Variants in SYNE2 observed in about 807,000 individuals in gnomAD.
SYNE2 encodes the protein spectrin repeat containing nuclear envelope protein 2, also known as nesprin-2.
A neutral mutation model predicts 856.3 loss-of-function variants in SYNE2; 431 were observed. That is an observed-to-expected ratio of 0.50 (90% confidence interval 0.47 to 0.55). The LOEUF (loss-of-function observed/expected upper bound fraction) is 0.55. Ranked by LOEUF, SYNE2 falls within the 20% of genes least tolerant of loss-of-function variation. The probability of loss-of-function intolerance (pLI) is 0.00; values close to 1 mark genes in which losing one functional copy is unlikely to be tolerated. For missense variants in SYNE2, 8,129 were observed against 8,023.2 expected (o/e 1.01, Z -0.50); for synonymous variants, 2,923 against 2,872.3 (o/e 1.02, Z -0.56).
chr14:64,054,833 C>G (rs1427655776), intron 48 of SYNE2, among the ~76,000 whole-genome samples: 1 of 152,092 alleles, frequency 6.6e-6, no homozygotes, highest in East Asian at 1.9e-4. Flanking sequence ...TGGAAGTTAA[C>G]TCCCTTTTCT....
chr14:64,185,495 T>TTTTTC (rs2098484161), intron 96 of SYNE2, among the ~76,000 whole-genome samples: 2 of 148,222 alleles, frequency 1.3e-5, no homozygotes, highest in African/African-American at 5.0e-5. Flanking sequence ...TGCTTCTTTT[T>TTTTTC]TTTTTCTTTT....
chr14:64,010,254 T>A, intron 32 of SYNE2, 138 bp downstream of exon 32: 1 of 959,336 alleles, frequency 1.0e-6, no homozygotes, highest in Non-Finnish European at 1.6e-6. Context: ...ACCAGGTATC[T>A]AAAAATTTGT....
chr14:64,067,228 T>C (rs969989250), intron 51 of SYNE2, among the ~76,000 whole-genome samples: 6 of 152,184 alleles, frequency 3.9e-5, no homozygotes, highest in Non-Finnish European at 8.8e-5. Flanking sequence ...GTAATAACAA[T>C]AATAAAAACA....
chr14:63,764,570 TTTGA>T (rs1886605412), intron 1 of SYNE2, among the ~76,000 whole-genome samples: 1 of 150,870 alleles, frequency 6.6e-6, no homozygotes. Flanking sequence ...TTTTTTTTTT[TTTGA>T]TTTATTTTAC....
intron 1 of SYNE2, among the ~76,000 whole-genome samples, chr14:63,862,937 A>G (rs1894140241): frequency 6.6e-6 from 1 of 152,050 alleles, no homozygotes. Flanking sequence ...AGCTGGAGCT[A>G]TAGGCATGCA....
chr14:64,046,993 C>T (rs1222519791), intron 45 of SYNE2, among the ~76,000 whole-genome samples: 1 of 152,232 alleles, frequency 6.6e-6, no homozygotes, highest in Non-Finnish European at 1.5e-5. Context: ...CCCCTTGCCT[C>T]GTCATGTGGA....
intron 7 of SYNE2, among the ~76,000 whole-genome samples, chr14:63,953,543 G>GAGATAGATAGATAGAT (rs59456660): frequency 1.5e-4 from 14 of 90,498 alleles, no homozygotes; most frequent in African/African-American, 3.7e-4. Flanking sequence ...GAGAGAGAGA[G>GAGATAGATAGATAGAT]AGATAGATAG....
chr14:64,026,875 G>A, intron 42 of SYNE2, 145 bp downstream of exon 42: 2 of 918,984 alleles, frequency 2.2e-6, no homozygotes, highest in Non-Finnish European at 3.4e-6. Context: ...AGTGTCAAGA[G>A]ACAGAAACCA....
intron 73 of SYNE2, 138 bp downstream of exon 73, chr14:64,126,945 C>T: frequency 9.6e-7 from 1 of 1,044,098 alleles, no homozygotes; most frequent in Non-Finnish European, 1.4e-6. Flanking sequence ...GTTTGTTGCT[C>T]ATGGTTGGAG....
At chr14:63,848,538 C>T (rs1227992421), upstream of SYNE2, among the ~76,000 whole-genome samples, 1 of 152,084 alleles carries the variant, frequency 6.6e-6, no homozygotes, top group Non-Finnish European at 1.5e-5. Context: ...GAGGGTAAAA[C>T]AAACAAGACA....
In SYNE2 at chr14:64,157,868, A is replaced by T. The variant is rs566058814; in HGVS notation, c.15793-757A>T. 1.5e-4 allele frequency among the ~76,000 whole-genome samples: 23 copies of T among 152,280 alleles called. No individual in the cohort carries two copies. The South Asian group carries it at 2.1e-3, about 14-fold the overall frequency. ...TCTTTTCATATGTTTATTGACCATT[A>T]TATATGTTCTTTGGGGAAATGTTTA... On this transcript the variant is annotated intron_variant, in intron 85 of 115. Transcript: ENST00000555002.
At position 63,991,073 on chromosome 14, in the gene SYNE2, G is replaced by A; in HGVS notation, c.2604G>A (p.Leu868=). The change falls in exon 21 of 116, where the codon CTG becomes CTA. Residue 868 remains leucine (L), a synonymous_variant. Coordinates refer to ENST00000555002, the MANE Select transcript of SYNE2 (RefSeq NM_182914.3). ...ESYMMRAQQL[L]GQRESPGELI... ...ATATGATGAGGGCTCAGCAGTTACT[G>A]GGGCAAAGAGAGAGCCCCGGTGAAC... The A allele has an allele frequency of 1.9e-5, 30 of 1,614,100 alleles. No individual in the cohort carries two copies. Among genetic ancestry groups the A allele is most frequent in the Non-Finnish European group, 2.5e-5 (29 of 1,179,996 alleles).
chr14:64,171,333 C>T (rs569140224), intron 94 of SYNE2, among the ~76,000 whole-genome samples: 1 of 152,312 alleles, frequency 6.6e-6, no homozygotes, highest in South Asian at 2.1e-4. Flanking sequence ...CAATCACTGT[C>T]CTAAGTGCTG....
chr14:64,048,073 A>G lies in SYNE2; in HGVS notation c.7295A>G (p.Asp2432Gly). The change falls in exon 46 of 116, where the codon GAT (aspartate) becomes GGT (glycine). Residue 2432 changes from aspartate (D) to glycine (G), a missense_variant. Physicochemically the swap from Asp to Gly is moderately conservative, Grantham distance 94. Coordinates refer to ENST00000555002, the MANE Select transcript of SYNE2 (RefSeq NM_182914.3). Reference sequence around the variant, plus strand: ...CAAGAAAGCATGAAAAACACTGAAGATGAGCGGAAAGTCAATGAGCTGCAA... The same window carrying G: ...CAAGAAAGCATGAAAAACACTGAAGGTGAGCGGAAAGTCAATGAGCTGCAA... ...NAQESMKNTEDERKVNELQNQ... is the reference protein window; with the variant it reads ...NAQESMKNTEGERKVNELQNQ... The G allele has an allele frequency of 6.2e-7, 1 of 1,613,828 alleles. No homozygotes were observed.
At chr14:63,835,199 A>C (rs1485596772) in intron 1 of SYNE2, among the ~76,000 whole-genome samples, 1 of 152,112 alleles carries the variant, frequency 6.6e-6, no homozygotes, top group Non-Finnish European at 1.5e-5. Context: ...GATTTTATAA[A>C]AAGTTTGAAA....
chr14:64,086,520 A>C (rs1274863870), intron 57 of SYNE2, among the ~76,000 whole-genome samples: 1 of 152,140 alleles, frequency 6.6e-6, no homozygotes, highest in Non-Finnish European at 1.5e-5. Flanking sequence ...TCTGCTTGTT[A>C]ATTTCTAAAT....
intron 96 of SYNE2, among the ~76,000 whole-genome samples, chr14:64,177,920 A>T (rs1472698098): frequency 6.6e-6 from 1 of 152,222 alleles, no homozygotes; most frequent in African/African-American, 2.4e-5. Context: ...AAACCATCCA[A>T]ACTATATATT....
chr14:63,875,929 G>A (rs2094705288), intron 1 of SYNE2, among the ~76,000 whole-genome samples: 1 of 152,134 alleles, frequency 6.6e-6, no homozygotes, highest in Non-Finnish European at 1.5e-5. Context: ...CCCCAGGGCA[G>A]AAGGGAGACT....
intron 62 of SYNE2, chr14:64,098,448 T>G (rs571604242): frequency 3.3e-5 from 19 of 584,268 alleles, no homozygotes; most frequent in Non-Finnish European, 5.5e-5. Context: ...GTCAGCCCTT[T>G]GCAGACTCAA....
Sources: allele counts gnomAD v4.1 joint callset (sites outside exome capture counted in the v4.1 genomes callset), GRCh38; gene constraint gnomAD v4.1.1; transcripts MANE v1.5; gene names NCBI Gene and HGNC (gene_info 2026-07-23, HGNC 2026-07-21).